The following CTNNAL1 variants were observed in gnomAD, a reference collection of about 807,000 sequenced individuals.
The protein encoded by CTNNAL1 is catenin alpha like 1.
A neutral mutation model predicts 93.6 loss-of-function variants in CTNNAL1; 69 were observed. The ratio of observed to expected loss-of-function variants is 0.74; its 90% CI spans 0.61 to 0.90. The LOEUF (loss-of-function observed/expected upper bound fraction) is 0.90, where lower values mean the gene tolerates loss of function less well. CTNNAL1 is among the 40% of genes least tolerant of loss of function. The probability of loss-of-function intolerance (pLI) is 0.00; values close to 1 mark genes in which losing one functional copy is unlikely to be tolerated. For synonymous variants in CTNNAL1, 286 were observed against 305.4 expected, an observed-to-expected ratio of 0.94 and a Z score of 0.66; for missense variants, 836 against 862.0, an observed-to-expected ratio of 0.97 and a Z score of 0.38.
At chr9:108,994,600 G>C (rs1831945891) in intron 2 of CTNNAL1, among the ~76,000 whole-genome samples, 1 of 152,198 alleles carries the variant, frequency 6.6e-6, no homozygotes, top group South Asian at 2.1e-4. Flanking sequence ...ATGCAGACTT[G>C]GATGTCTTGT....
chr9:108,943,052 G>T lies in CTNNAL1; in HGVS notation c.2056-8C>A, dbSNP rs1830291623. 1 of 1,599,458 alleles carries T rather than the reference G, an allele frequency of 6.3e-7. No individual in the cohort carries two copies. The highest frequency in any genetic ancestry group is 1.1e-5 in the South Asian group (1 of 87,460). ...CGTAATACACTTGTCAACCTACAAT[G>T]ACAAAAAGCATGCAAATGATATTCT... On this transcript the variant is annotated splice_polypyrimidine_tract_variant and splice_region_variant and intron_variant, in intron 17 of 18. Transcript: ENST00000325551.
At chr9:108,972,864 G>GGGGGCGGCCCCCCCCCC in intron 8 of CTNNAL1, 31 bp from the exon 9 acceptor site, 2 of 142,588 alleles carry the variant, frequency 1.4e-5, no homozygotes, top group Non-Finnish European at 2.0e-5. Context: ...GGGGGGGTGG[G>GGGGGCGGCCCCCCCCCC]AGGGTGGAGA....
intron 17 of CTNNAL1, 44 bp from the exon 18 acceptor site, chr9:108,943,088 C>T (rs763868096): frequency 2.0e-6 from 3 of 1,482,486 alleles, no homozygotes; most frequent in Non-Finnish European, 2.8e-6. Flanking sequence ...AAAAGTAGTA[C>T]TTAAAAGACC....
chr9:108,990,636 A>C, intron 4 of CTNNAL1, 90 bp downstream of exon 4: 1 of 1,454,210 alleles, frequency 6.9e-7, no homozygotes, highest in South Asian at 1.5e-5. Flanking sequence ...AAGCAAAGAA[A>C]CCAGTCCAAA....
chr9:108,990,596 G>A, intron 4 of CTNNAL1, 130 bp downstream of exon 4: 1 of 1,111,524 alleles, frequency 9.0e-7, no homozygotes, highest in Non-Finnish European at 1.2e-6. Flanking sequence ...ATCTATGAAA[G>A]GCTTTCAAGA....
At chr9:108,944,065 T>G (rs1278227822) in intron 15 of CTNNAL1, 47 bp from the exon 16 acceptor site, 3 of 1,504,554 alleles carry the variant, frequency 2.0e-6, no homozygotes, top group African/African-American at 1.4e-5. Flanking sequence ...TGTCTATGGA[T>G]AGTTGGTAAG....
intron 1 of CTNNAL1, among the ~76,000 whole-genome samples, chr9:109,009,306 ATT>A (rs34690526): frequency 1.1e-4 from 17 of 150,164 alleles, no homozygotes; most frequent in Admixed American, 2.7e-4. Context: ...ATACTGCCCT[ATT>A]TTTTTTTTTC....
rs28361141 is a variant in CTNNAL1, at chr9:108,976,992, G to A, written c.1158C>T (p.Ile386=). ...TCTTAAGTTCATTAAGACTGTGACT[G>A]ATTTTCAAAATACTGAGTTCCAGTT... The part of the protein sequence containing the change: ...AEELELSILK[I]SHSLNELKKE... The change falls in exon 8 of 19, where the codon ATC becomes ATT. Residue 386 remains isoleucine (I), a synonymous_variant. Coordinates refer to ENST00000325551, the MANE Select transcript of CTNNAL1 (RefSeq NM_003798.4). 1.2e-3 allele frequency: 1,817 copies of A among 1,517,452 alleles called. 34 individuals are homozygous for A. In the South Asian group the frequency reaches 0.021, roughly 18 times the overall value. The allele number at this position is 1,517,452 out of a possible 1,614,324, so 94.0% of individuals were successfully genotyped here.
chr9:109,009,066 T>C (rs1429032831), intron 1 of CTNNAL1, among the ~76,000 whole-genome samples: 1 of 151,590 alleles, frequency 6.6e-6, no homozygotes, highest in Admixed American at 6.6e-5. Flanking sequence ...GACTAATTTT[T>C]TGTATTTTTT....
intron 14 of CTNNAL1, chr9:108,950,541 T>C (rs1191219423): frequency 6.4e-7 from 1 of 1,550,450 alleles, no homozygotes. Context: ...GAAGACGTCA[T>C]CAAGAGGAAA....
At chr9:109,013,267 AAGG>A (rs10538092) in intron 1 of CTNNAL1, 32 bp downstream of exon 1, 215,839 of 1,447,808 alleles carry the variant, frequency 0.15, 16,891 homozygotes, top group African/African-American at 0.2. Flanking sequence ...CCGCGGCGGG[AAGG>A]AGAAGAGGGG....
At chr9:108,995,882 T>A (rs963595977) in intron 2 of CTNNAL1, among the ~76,000 whole-genome samples, 2 of 152,138 alleles carry the variant, frequency 1.3e-5, no homozygotes, top group African/African-American at 2.4e-5. Flanking sequence ...TTTAGAAATG[T>A]TTAATAGATT....
At chr9:108,976,899 T>C (rs1302345358) in intron 8 of CTNNAL1, 63 bp downstream of exon 8, 4 of 637,544 alleles carry the variant, frequency 6.3e-6, no homozygotes, top group African/African-American at 1.9e-5. Flanking sequence ...ATGTATTTCA[T>C]ACACCCATAC....
At chr9:109,006,098 T>A (rs1232429474) in intron 1 of CTNNAL1, among the ~76,000 whole-genome samples, 1 of 152,224 alleles carries the variant, frequency 6.6e-6, no homozygotes, top group African/African-American at 2.4e-5. Context: ...TAGGAGAGCC[T>A]CAAGAAATAA....
At chr9:108,983,356 A>T in intron 5 of CTNNAL1, 41 bp from the exon 6 acceptor site, 1 of 1,390,042 alleles carries the variant, frequency 7.2e-7, no homozygotes, top group Non-Finnish European at 9.4e-7. Context: ...TATTTGATTT[A>T]TGTCATAATG....
chr9:108,951,315 G>A (rs1337667765), intron 14 of CTNNAL1, among the ~76,000 whole-genome samples: 1 of 151,952 alleles, frequency 6.6e-6, no homozygotes, highest in Non-Finnish European at 1.5e-5. Flanking sequence ...ATGCCCGGCA[G>A]GGGGTGCTAT....
In CTNNAL1 at chr9:108,992,683, CA is replaced by C. The variant is rs1831857048; in HGVS notation, c.467del (p.Leu156CysfsTer7). The C allele has an allele frequency of 4.3e-6, 7 of 1,613,852 alleles. No homozygotes were observed. The highest frequency in any genetic ancestry group is 5.9e-6 in the Non-Finnish European group (7 of 1,179,908). Reference sequence around the variant, plus strand: ...TAATGACTACTCGGTCTGCCAGCAACAACACTTTTGTCACTGAAGAAAGAAG... The same window carrying C: ...TAATGACTACTCGGTCTGCCAGCAACACACTTTTGTCACTGAAGAAAGAAG... ...RLLLSSVTKV[L>X]LLADRVVIKQ... is the part of the protein sequence containing the mutation. On this transcript the variant is annotated frameshift_variant, in exon 3 of 19. Coordinates refer to ENST00000325551, the MANE Select transcript of CTNNAL1 (RefSeq NM_003798.4). LOFTEE classifies it high-confidence loss of function.
intron 8 of CTNNAL1, among the ~76,000 whole-genome samples, chr9:108,974,527 T>C (rs911152313): frequency 1.3e-5 from 2 of 152,202 alleles, no homozygotes; most frequent in African/African-American, 2.4e-5. Context: ...AAAATTTATA[T>C]AAGAAACATC....
intron 9 of CTNNAL1, among the ~76,000 whole-genome samples, chr9:108,970,818 G>GAA (rs548573443): frequency 1.4e-5 from 2 of 147,242 alleles, no homozygotes; most frequent in African/African-American, 5.0e-5. Flanking sequence ...AGAAATTTGG[G>GAA]AAAAAAAAAA....
Sources: allele counts gnomAD v4.1 joint callset (sites outside exome capture counted in the v4.1 genomes callset), GRCh38; gene constraint gnomAD v4.1.1; transcripts MANE v1.5; gene names NCBI Gene and HGNC (gene_info 2026-07-23, HGNC 2026-07-21).